The following GRM1 variants were observed in gnomAD, a reference collection of about 807,000 sequenced individuals.
GRM1 encodes metabotropic glutamate receptor 1.
GRM1 carries 33 observed loss-of-function variants against 90.9 expected under a neutral mutation model. The observed-to-expected ratio is 0.36, with a 90% CI of 0.28 to 0.49. The LOEUF (loss-of-function observed/expected upper bound fraction) is 0.49. Ranked by LOEUF, GRM1 falls within the 20% of genes least tolerant of loss-of-function variation. The pLI is 0.99. For missense variants in GRM1, 1,190 were observed against 1,534.3 expected (o/e 0.78, Z 3.75); for synonymous variants, 700 against 613.2 (o/e 1.14, Z -2.09).
intron 1 of GRM1, among the ~76,000 whole-genome samples, chr6:146,137,838 GTT>G (rs35863481): frequency 0.11 from 16,320 of 151,998 alleles, 1,806 homozygotes; most frequent in African/African-American, 0.28. Context: ...TTTCATCAGT[GTT>G]TTATAATTTT....
intron 2 of GRM1, among the ~76,000 whole-genome samples, chr6:146,170,017 T>C (rs1214024853): frequency 6.6e-6 from 1 of 152,176 alleles, no homozygotes; most frequent in African/African-American, 2.4e-5. Flanking sequence ...ACCTTTAATT[T>C]TGAAAAATAT....
chr6:146,356,838 TA>T (rs1785602607), intron 4 of GRM1, among the ~76,000 whole-genome samples: 1 of 152,210 alleles, frequency 6.6e-6, no homozygotes, highest in African/African-American at 2.4e-5. Flanking sequence ...TGTTTTGATA[TA>T]CTGTATGTAT....
chr6:146,143,901 A>G (rs986927907), intron 1 of GRM1, among the ~76,000 whole-genome samples: 4 of 152,216 alleles, frequency 2.6e-5, no homozygotes, highest in African/African-American at 9.7e-5. Context: ...ATGAATAAAG[A>G]AGACAGAATG....
chr6:146,049,515 C>T (rs886837753), intron 1 of GRM1, among the ~76,000 whole-genome samples: 2 of 151,936 alleles, frequency 1.3e-5, no homozygotes, highest in Non-Finnish European at 2.9e-5. Flanking sequence ...CATCAGCTTC[C>T]CTGGTTCTCA....
chr6:146,039,872 G>A (rs1368824590), intron 1 of GRM1, among the ~76,000 whole-genome samples: 1 of 152,002 alleles, frequency 6.6e-6, no homozygotes, highest in Non-Finnish European at 1.5e-5. Flanking sequence ...AATAAATAGG[G>A]AATAAAGAGA....
intron 2 of GRM1, among the ~76,000 whole-genome samples, chr6:146,180,971 A>G (rs1039126572): frequency 2.6e-5 from 4 of 152,192 alleles, no homozygotes; most frequent in Admixed American, 2.0e-4. Flanking sequence ...AATAACCTCA[A>G]TGTGATAACA....
chr6:146,166,176 A>C (rs1777896471), intron 2 of GRM1, among the ~76,000 whole-genome samples: 1 of 152,132 alleles, frequency 6.6e-6, no homozygotes, highest in South Asian at 2.1e-4. Flanking sequence ...CTGGGTTTAA[A>C]TCACAATCAG....
At chr6:146,092,863 A>C (rs1405399035) in intron 1 of GRM1, among the ~76,000 whole-genome samples, 1 of 152,112 alleles carries the variant, frequency 6.6e-6, no homozygotes, top group African/African-American at 2.4e-5. Context: ...GATTTCGCCA[A>C]ATTGATTTGT....
intron 2 of GRM1, among the ~76,000 whole-genome samples, chr6:146,243,972 G>T (rs1780961831): frequency 6.6e-6 from 1 of 152,108 alleles, no homozygotes; most frequent in African/African-American, 2.4e-5. Flanking sequence ...TCTCCTATTT[G>T]CTTTTGAAAG....
chr6:146,173,824 G>C (rs983023286), intron 2 of GRM1, among the ~76,000 whole-genome samples: 6 of 151,846 alleles, frequency 4.0e-5, no homozygotes, highest in Non-Finnish European at 5.9e-5. Context: ...CCGCCACCAC[G>C]CCTGGCTAAT....
intron 5 of GRM1, among the ~76,000 whole-genome samples, chr6:146,384,745 C>T (rs754361324): frequency 7.9e-5 from 12 of 151,392 alleles, no homozygotes; most frequent in African/African-American, 2.7e-4. Context: ...AGGATAAATA[C>T]GTGCTAAAAG....
At chr6:146,102,870 T>A (rs2128871017) in intron 1 of GRM1, among the ~76,000 whole-genome samples, 1 of 152,336 alleles carries the variant, frequency 6.6e-6, no homozygotes, top group East Asian at 1.9e-4. Context: ...TGGAACTTAG[T>A]TGAGATTTTT....
chr6:146,132,903 G>A (rs1012802549), intron 1 of GRM1, among the ~76,000 whole-genome samples: 1 of 152,166 alleles, frequency 6.6e-6, no homozygotes, highest in Non-Finnish European at 1.5e-5. Context: ...CAAAGGCCTA[G>A]TTCTACCTGG....
intron 5 of GRM1, among the ~76,000 whole-genome samples, chr6:146,368,269 G>GGT (rs200757630): frequency 1.2e-4 from 15 of 128,054 alleles, no homozygotes; most frequent in Non-Finnish European, 2.0e-4. Context: ...TTGGGGGGGG[G>GGT]GGTAGAATCT....
chr6:146,076,113 A>G (rs1431745023), intron 1 of GRM1, among the ~76,000 whole-genome samples: 1 of 152,196 alleles, frequency 6.6e-6, no homozygotes, highest in Non-Finnish European at 1.5e-5. Flanking sequence ...ACCAGTACAA[A>G]GGAGCTGAAG....
chr6:146,113,495 GAAGA>G (rs1252850881), intron 1 of GRM1, among the ~76,000 whole-genome samples: 1 of 152,192 alleles, frequency 6.6e-6, no homozygotes, highest in African/African-American at 2.4e-5. Context: ...AGGCCCTCCA[GAAGA>G]AAGTATATGT....
intron 2 of GRM1, among the ~76,000 whole-genome samples, chr6:146,195,404 G>A (rs1189502502): frequency 6.6e-6 from 1 of 152,146 alleles, no homozygotes; most frequent in Non-Finnish European, 1.5e-5. Context: ...CCTCAGACCC[G>A]CCGTTCAGGA....
At chr6:146,418,426 G>T (rs1447311822) in intron 7 of GRM1, among the ~76,000 whole-genome samples, 1 of 151,356 alleles carries the variant, frequency 6.6e-6, no homozygotes, top group East Asian at 1.9e-4. Context: ...GGAATATATT[G>T]GGAAGCACAA....
intron 2 of GRM1, among the ~76,000 whole-genome samples, chr6:146,230,630 T>C (rs566056605): frequency 1.3e-5 from 2 of 152,168 alleles, no homozygotes; most frequent in Non-Finnish European, 2.9e-5. Flanking sequence ...CTAAACACAC[T>C]CTTACCGTGC....
Sources: gnomAD v4.1 joint callset for allele counts (sites outside exome capture counted in the v4.1 genomes callset) on GRCh38, gnomAD v4.1.1 for gene constraint, MANE v1.5 for transcripts, NCBI Gene and HGNC (gene_info 2026-07-23, HGNC 2026-07-21) for gene names.